Variants in METTL24 observed in about 807,000 individuals in gnomAD.
METTL24 encodes the protein methyltransferase like 24.
In METTL24, 29 loss-of-function variants were observed where a neutral mutation model predicts 32.7. The observed-to-expected ratio is 0.89, with a 90% confidence interval of 0.66 to 1.21. The LOEUF (loss-of-function observed/expected upper bound fraction) is 1.21. Ranked by LOEUF, METTL24 falls within the 50% of genes most tolerant of loss-of-function variation. METTL24 has a pLI of 0.00. For synonymous variants in METTL24, 163 were observed against 179.5 expected, an observed-to-expected ratio of 0.91 and a Z score of 0.73; for missense variants, 439 against 468.1, an observed-to-expected ratio of 0.94 and a Z score of 0.57.
intron 1 of METTL24, among the ~76,000 whole-genome samples, chr6:110,325,848 C>T (rs1772007915): frequency 6.6e-6 from 1 of 152,232 alleles, no homozygotes; most frequent in African/African-American, 2.4e-5. Flanking sequence ...AGAGGCCAGG[C>T]TCCTCCCCAC....
At chr6:110,257,827 G>A (rs973254179) in intron 4 of METTL24, among the ~76,000 whole-genome samples, 2 of 152,184 alleles carry the variant, frequency 1.3e-5, no homozygotes, top group African/African-American at 4.8e-5. Flanking sequence ...GTATAAGATA[G>A]TTTTCTAACC....
At chr6:110,266,928 A>T (rs1770867269) in intron 4 of METTL24, among the ~76,000 whole-genome samples, 1 of 152,176 alleles carries the variant, frequency 6.6e-6, no homozygotes, top group Non-Finnish European at 1.5e-5. Context: ...TTCACTTTTA[A>T]CAATTTTAAG....
intron 1 of METTL24, among the ~76,000 whole-genome samples, chr6:110,357,048 G>A (rs1043433138): frequency 6.6e-6 from 1 of 152,190 alleles, no homozygotes; most frequent in Non-Finnish European, 1.5e-5. Flanking sequence ...TGGGGTGGAT[G>A]TCTAAAAGAA....
chr6:110,245,677 G>A lies in METTL24; in HGVS notation c.*269C>T, dbSNP rs939547131. Among the ~76,000 whole-genome samples the A allele has an allele frequency of 8.4e-4, 128 of 152,226 alleles. No homozygotes were observed. The highest frequency in any genetic ancestry group is 3.0e-3 in the African/African-American group (124 of 41,552). On this transcript the variant is annotated 3_prime_UTR_variant, in exon 5 of 5. Coordinates refer to ENST00000338882, the MANE Select transcript of METTL24 (RefSeq NM_001123364.3). Reference sequence around the variant, plus strand: ...ATTATAGATACATAGAGAATTTTAGGGAAAACTGTGATGAGCTGGGGATAA... The same window carrying A: ...ATTATAGATACATAGAGAATTTTAGAGAAAACTGTGATGAGCTGGGGATAA...
At chr6:110,291,944 T>C (rs1771328579) in intron 4 of METTL24, among the ~76,000 whole-genome samples, 1 of 152,238 alleles carries the variant, frequency 6.6e-6, no homozygotes, top group South Asian at 2.1e-4. Flanking sequence ...TGAAATCAAG[T>C]AGCGTAAGCC....
chr6:110,274,575 G>A (rs1463627078), intron 4 of METTL24, among the ~76,000 whole-genome samples: 1 of 151,904 alleles, frequency 6.6e-6, no homozygotes, highest in African/African-American at 2.4e-5. Context: ...CAGGAGATGG[G>A]TGCACCAAAA....
chr6:110,257,321 G>C (rs1466795840), intron 4 of METTL24, among the ~76,000 whole-genome samples: 1 of 152,246 alleles, frequency 6.6e-6, no homozygotes, highest in East Asian at 1.9e-4. Context: ...TCCTAAACTG[G>C]AATGTTTAGG....
chr6:110,288,632 G>A (rs1771265671), intron 4 of METTL24, among the ~76,000 whole-genome samples: 1 of 152,090 alleles, frequency 6.6e-6, no homozygotes, highest in Non-Finnish European at 1.5e-5. Flanking sequence ...AGCAAAAATA[G>A]GGAGAACTAT....
chr6:110,330,511 G>C (rs1562239315), intron 1 of METTL24, among the ~76,000 whole-genome samples: 1 of 152,178 alleles, frequency 6.6e-6, no homozygotes. Context: ...CCCATTAACG[G>C]ATTTGTAAAG....
Position 110,246,235 on chromosome 6 carries a change from T to C in METTL24, c.812A>G (p.Glu271Gly). 6.2e-7 allele frequency: 1 copy of C among 1,612,124 alleles called. No homozygotes were observed. Among genetic ancestry groups the C allele is most frequent in the Admixed American group, 1.7e-5 (1 of 59,890 alleles). Residue 271 changes from glutamate (E) to glycine (G), a missense_variant, in exon 5 of 5, where the codon GAA (glutamate) becomes GGA (glycine). Glu to Gly is a moderately conservative substitution (Grantham distance 98). Transcript: ENST00000338882. ...TTCCAAAACTTTCCATTCTGCACTT[T>C]CCAGATCTGCCTTGAGAACGTCAAT... ...HKIDVLKADL[E>G]SAEWKVLENL... is the part of the protein sequence containing the mutation.
chr6:110,277,958 G>A (rs893773995), intron 4 of METTL24, among the ~76,000 whole-genome samples: 1 of 152,122 alleles, frequency 6.6e-6, no homozygotes, highest in Admixed American at 6.6e-5. Flanking sequence ...TTCTTCACAT[G>A]ATAAATTTTC....
At chr6:110,285,762 G>C (rs774543742) in intron 4 of METTL24, among the ~76,000 whole-genome samples, 1 of 152,204 alleles carries the variant, frequency 6.6e-6, no homozygotes, top group Non-Finnish European at 1.5e-5. Flanking sequence ...AAAGGGAAAC[G>C]CAGGTAACTA....
intron 4 of METTL24, among the ~76,000 whole-genome samples, chr6:110,270,795 CTTACA>C: frequency 6.7e-6 from 1 of 150,078 alleles, no homozygotes; most frequent in Admixed American, 6.6e-5. Context: ...ATTGTCTTGT[CTTACA>C]TTACATGAGG....
chr6:110,343,084 C>G (rs939535814), intron 1 of METTL24, among the ~76,000 whole-genome samples: 2 of 152,136 alleles, frequency 1.3e-5, no homozygotes, highest in African/African-American at 4.8e-5. Context: ...ATTGCTGGGT[C>G]ATTTCTGAGC....
rs1772732629 is a variant in METTL24 at position 110,357,996 on chromosome 6, CCGGCGTCCCGCTCCCGCCGCCCCCCGG to C, written c.250_276del (p.Pro84_Pro92del). ...CCGCGCGGGGCACAGCAGCCAGGCT[CCGGCGTCCCGCTCCCGCCGCCCCCCGG>C]CGGCGCCCGGCGACCGCTGCGCACG... is the stretch of plus-strand genomic sequence containing the variant. On this transcript the variant is annotated inframe_deletion, in exon 1 of 5. Coordinates refer to ENST00000338882, the MANE Select transcript of METTL24 (RefSeq NM_001123364.3). 1.7e-6 allele frequency: 2 copies of C among 1,172,676 alleles called. No homozygotes were observed. The highest frequency in any genetic ancestry group is 3.7e-5 in the East Asian group (1 of 26,924). The allele number at this position is 1,172,676 out of a possible 1,614,324, so 72.6% of individuals were successfully genotyped here.
intron 3 of METTL24, among the ~76,000 whole-genome samples, chr6:110,312,374 C>G (rs1198289986): frequency 6.6e-6 from 1 of 152,144 alleles, no homozygotes; most frequent in Non-Finnish European, 1.5e-5. Context: ...GAAGGGAAAG[C>G]AGTATATCAA....
intron 3 of METTL24, 66 bp downstream of exon 3, chr6:110,315,276 C>A: frequency 6.4e-7 from 1 of 1,574,160 alleles, no homozygotes; most frequent in Non-Finnish European, 8.7e-7. Context: ...CTTTGTATTG[C>A]TGAAAAGGTC....
At chr6:110,310,572 T>A (rs1250288559) in intron 3 of METTL24, among the ~76,000 whole-genome samples, 1 of 152,200 alleles carries the variant, frequency 6.6e-6, no homozygotes, top group East Asian at 1.9e-4. Context: ...TTCTCCATAA[T>A]ATGTATCTTT....
Position 110,246,174 on chromosome 6 carries a change from T to C in METTL24, c.873A>G (p.Gly291=), listed in dbSNP as rs773801323. Residue 291 remains glycine (G), a synonymous_variant, in exon 5 of 5, where the codon GGA becomes GGG. Transcript: ENST00000338882. ...LILEDVLEQI[G]QLIFEIHLHW... ...GGAGATGGATCTCAAAGATGAGCTGTCCAATCTGCTCAAGAACATCTTCCA... is the reference window on the plus strand; with the variant it reads ...GGAGATGGATCTCAAAGATGAGCTGCCCAATCTGCTCAAGAACATCTTCCA... 1.9e-6 allele frequency: 3 copies of C among 1,614,158 alleles called. No homozygotes were observed. Among genetic ancestry groups the C allele is most frequent in the Admixed American group, 3.3e-5 (2 of 60,016 alleles).
Sources: allele counts gnomAD v4.1 joint callset (sites outside exome capture counted in the v4.1 genomes callset), GRCh38; gene constraint gnomAD v4.1.1; transcripts MANE v1.5; gene names NCBI Gene and HGNC (gene_info 2026-07-23, HGNC 2026-07-21).